PZP: variants seen among roughly 807,000 people sequenced by gnomAD.
PZP encodes PZP alpha-2-macroglobulin like.
A neutral mutation model predicts 179.8 loss-of-function variants in PZP; 150 were observed. The observed-to-expected ratio is 0.83, with a 90% CI of 0.73 to 0.96. The LOEUF is 0.96. Ranked by LOEUF, PZP falls within the 40% of genes least tolerant of loss-of-function variation. The probability of loss-of-function intolerance (pLI) is 0.00; values close to 1 mark genes in which losing one functional copy is unlikely to be tolerated. For synonymous variants in PZP, 624 were observed against 652.3 expected, an observed-to-expected ratio of 0.96 and a Z score of 0.66; for missense variants, 1,689 against 1,764.0, an observed-to-expected ratio of 0.96 and a Z score of 0.76.
chr12:9,184,231 G>A (rs762503473), intron 13 of PZP, among the ~76,000 whole-genome samples: 1 of 152,110 alleles, frequency 6.6e-6, no homozygotes, highest in Non-Finnish European at 1.5e-5. Context: ...CAGAGCATTG[G>A]CAGGCACTAA....
chr12:9,154,408 G>C (rs889259897), intron 29 of PZP, among the ~76,000 whole-genome samples: 1 of 152,212 alleles, frequency 6.6e-6, no homozygotes, highest in Non-Finnish European at 1.5e-5. Context: ...ACGTCTCCAT[G>C]TTGCTAATAT....
At chr12:9,162,055 C>A (rs887792143) in intron 22 of PZP, among the ~76,000 whole-genome samples, 1 of 152,038 alleles carries the variant, frequency 6.6e-6, no homozygotes, top group East Asian at 1.9e-4. Flanking sequence ...TCCCCCTGCC[C>A]GGCTCAAGCG....
At chr12:9,175,314 A>G (rs1231543777) in intron 15 of PZP, among the ~76,000 whole-genome samples, 1 of 152,224 alleles carries the variant, frequency 6.6e-6, no homozygotes, top group Non-Finnish European at 1.5e-5. Context: ...AATTAACTCA[A>G]GATGAATTAA....
At chr12:9,194,023 A>G in intron 11 of PZP, 54 bp downstream of exon 11, 1 of 1,502,360 alleles carries the variant, frequency 6.7e-7, no homozygotes, top group Non-Finnish European at 9.2e-7. Flanking sequence ...TTCTGAATAT[A>G]TCACTGTTCC....
intron 22 of PZP, chr12:9,162,320 TCAGTGAGCAGC>T (rs1941268191): frequency 3.0e-6 from 1 of 332,138 alleles, no homozygotes; most frequent in Admixed American, 4.9e-5. Context: ...GCTGGGCTTG[TCAGTGAGCAGC>T]CACTGGGCTA....
At chr12:9,147,889 C>G (rs952043440), downstream of PZP, among the ~76,000 whole-genome samples, 1 of 152,094 alleles carries the variant, frequency 6.6e-6, no homozygotes, top group African/African-American at 2.4e-5. Context: ...GAGACCTTGA[C>G]TTGTTTTATG....
chr12:9,171,670 G>T (rs777245178), intron 15 of PZP, among the ~76,000 whole-genome samples: 5 of 152,166 alleles, frequency 3.3e-5, no homozygotes, highest in Non-Finnish European at 5.9e-5. Context: ...GCTGAAAACC[G>T]CATCTCAAGA....
In PZP at chr12:9,158,431, T is replaced by G; in HGVS notation, c.3283A>C (p.Asn1095His). Residue 1095 changes from asparagine to histidine, a missense_variant, in exon 26 of 36, where the codon AAT becomes CAT. This residue lies in a region of PZP where 746 missense variants were observed against 749.2 expected (regional missense o/e 1.00). Transcript: ENST00000261336. ...GTGGAACAGTTCACCTTTATGGCAT[T>G]GTTGAGCAGTGACCCAGAGCTCCTG... The part of the protein sequence containing the change: ...CFRSSGSLLN[N>H]AIKGGVEDEA... 6.2e-7 allele frequency: 1 copy of G among 1,614,102 alleles called. No homozygotes were observed. Among genetic ancestry groups the G allele is most frequent in the East Asian group, 2.2e-5 (1 of 44,888 alleles).
the PZP span, among the ~76,000 whole-genome samples, chr12:9,141,053 A>G: frequency 6.6e-6 from 1 of 152,250 alleles, no homozygotes; most frequent in African/African-American, 2.4e-5. Context: ...AAACAAGACA[A>G]CAATTGTTTA....
At chr12:9,160,758 CA>C (rs781375498) in intron 23 of PZP, among the ~76,000 whole-genome samples, 2 of 151,728 alleles carry the variant, frequency 1.3e-5, no homozygotes, top group Non-Finnish European at 2.9e-5. Context: ...ACTAAAAATA[CA>C]AAAAAATTAG....
chr12:9,141,210 A>G, the PZP span, among the ~76,000 whole-genome samples: 1 of 152,220 alleles, frequency 6.6e-6, no homozygotes, highest in East Asian at 1.9e-4. Context: ...GGAGTCTCTT[A>G]TAACTTTGGA....
chr12:9,143,752 A>T, the PZP span, among the ~76,000 whole-genome samples: 91 of 152,186 alleles, frequency 6.0e-4, 1 homozygote, highest in Non-Finnish European at 1.2e-4. Context: ...TTGCAATAAA[A>T]AGCCAAACAC....
chr12:9,154,689 A>T lies in PZP; in HGVS notation c.3701T>A (p.Leu1234Gln). 6.2e-7 allele frequency: 1 copy of T among 1,614,206 alleles called. No homozygotes were observed. The highest frequency in any genetic ancestry group is 1.1e-5 in the South Asian group (1 of 91,074). ...TAQPAPTSGD[L>Q]TSATNIVKWI... is the part of the protein sequence containing the mutation. Reference sequence around the variant, plus strand: ...CTTCACAATGTTAGTTGCAGAGGTCAGGTCCCCTGAGGTGGGGGCTGGCTG... The same window carrying T: ...CTTCACAATGTTAGTTGCAGAGGTCTGGTCCCCTGAGGTGGGGGCTGGCTG... Residue 1234 changes from leucine to glutamine, a missense_variant, in exon 29 of 36, where the codon CTG (leucine) becomes CAG (glutamine). Physicochemically the swap from Leu to Gln is moderately radical, Grantham distance 113 (BLOSUM62 -2). Coordinates refer to ENST00000261336, the MANE Select transcript of PZP (RefSeq NM_002864.3).
rs768780979 is a variant in PZP at position 9,171,371 on chromosome 12, A to G, written c.1840-1780T>C. On this transcript the variant is annotated intron_variant, in intron 15 of 35. Coordinates refer to ENST00000261336, the MANE Select transcript of PZP (RefSeq NM_002864.3). Reference sequence around the variant, plus strand: ...AATTCAAAGGGCAGCAGCCTCAAGGATTAAAGGTAGATAAGTTCACAAAGA... The same window carrying G: ...AATTCAAAGGGCAGCAGCCTCAAGGGTTAAAGGTAGATAAGTTCACAAAGA... Among the ~76,000 whole-genome samples the G allele has an allele frequency of 2.0e-5, 3 of 152,350 alleles. No individual in the cohort carries two copies. The South Asian group carries it at 6.2e-4, about 32-fold the overall frequency.
At chr12:9,190,826 A>T (rs1272732571) in intron 13 of PZP, among the ~76,000 whole-genome samples, 1 of 152,216 alleles carries the variant, frequency 6.6e-6, no homozygotes, top group Non-Finnish European at 1.5e-5. Context: ...AATAGTGTGA[A>T]AAGAGAACAA....
intron 25 of PZP, 56 bp from the exon 26 acceptor site, chr12:9,158,632 C>T: frequency 6.4e-7 from 1 of 1,554,068 alleles, no homozygotes; most frequent in Non-Finnish European, 8.8e-7. Flanking sequence ...CTTTACTGCT[C>T]TGTTTTGTAC....
chr12:9,176,358 A>G (rs1016231592), intron 15 of PZP, among the ~76,000 whole-genome samples: 1 of 152,192 alleles, frequency 6.6e-6, no homozygotes, highest in African/African-American at 2.4e-5. Context: ...TGGGCTTAAT[A>G]CCTAGGTGAT....
At chr12:9,196,902 G>A in intron 8 of PZP, 110 bp downstream of exon 8, 1 of 913,388 alleles carries the variant, frequency 1.1e-6, no homozygotes, top group Non-Finnish European at 1.7e-6. Context: ...GTTTTTTGGT[G>A]GGGGATATTT....
At chr12:9,169,081 C>T (rs10492114) in intron 16 of PZP, 107 bp from the exon 17 acceptor site, 45,422 of 750,830 alleles carry the variant, frequency 0.06, 1,786 homozygotes, top group African/African-American at 0.15. Context: ...TATATTAATT[C>T]TATGGCGAAA....
Sources: allele counts gnomAD v4.1 joint callset (sites outside exome capture counted in the v4.1 genomes callset), GRCh38; gene constraint gnomAD v4.1.1; regional missense constraint gnomAD v4.1.1; transcripts MANE v1.5; gene names NCBI Gene and HGNC (gene_info 2026-07-23, HGNC 2026-07-21).